CNTN4: variants seen among roughly 807,000 people sequenced by gnomAD.
CNTN4 encodes the protein contactin-4.
CNTN4 carries 77 observed loss-of-function variants against 122.5 expected under a neutral mutation model. That is an observed-to-expected ratio of 0.63 (90% CI 0.52 to 0.76). CNTN4 has a LOEUF of 0.76. Ranked by LOEUF, CNTN4 falls within the 30% of genes least tolerant of loss-of-function variation. The pLI is 0.00. For missense variants in CNTN4, 1,256 were observed against 1,259.1 expected, an observed-to-expected ratio of 1.00 and a Z score of 0.04; for synonymous variants, 512 against 447.0, an observed-to-expected ratio of 1.15 and a Z score of -1.83.
intron 2 of CNTN4, among the ~76,000 whole-genome samples, chr3:2,131,784 A>G (rs1001683591): frequency 6.6e-6 from 1 of 152,206 alleles, no homozygotes; most frequent in East Asian, 1.9e-4. Flanking sequence ...TTAACTTATC[A>G]TCTTGAATAC....
Position 2,202,384 on chromosome 3 carries a change from C to G in CNTN4, c.-145+101745C>G, listed in dbSNP as rs367839171. ...TACAAGTATTTGTTCTAATTTCAGC[C>G]TCATTACTAACTAGCTGTGTAGACT... is the stretch of plus-strand genomic sequence containing the variant. On this transcript the variant is annotated intron_variant, in intron 2 of 24. Transcript: ENST00000418658. Among the ~76,000 whole-genome samples, 35 of 152,270 alleles carry G rather than the reference C, an allele frequency of 2.3e-4. No homozygotes were observed. The South Asian group carries it at 3.1e-3, about 14-fold the overall frequency.
chr3:2,849,587 T>C (rs2093512682), intron 7 of CNTN4, among the ~76,000 whole-genome samples: 1 of 152,222 alleles, frequency 6.6e-6, no homozygotes, highest in African/African-American at 2.4e-5. Context: ...AAAGAAGTAC[T>C]TATCCAGCAC....
At chr3:2,301,744 C>A (rs971382121) in intron 2 of CNTN4, among the ~76,000 whole-genome samples, 3 of 152,216 alleles carry the variant, frequency 2.0e-5, no homozygotes, top group Non-Finnish European at 2.9e-5. Flanking sequence ...TCTAGTAGAG[C>A]ACTCATCAGA....
At chr3:2,447,283 G>T (rs1272280634) in intron 3 of CNTN4, among the ~76,000 whole-genome samples, 1 of 152,122 alleles carries the variant, frequency 6.6e-6, no homozygotes, top group Non-Finnish European at 1.5e-5. Context: ...CATGCCTGTT[G>T]TGTTGAAACA....
At chr3:2,515,473 T>A (rs1006448077) in intron 3 of CNTN4, among the ~76,000 whole-genome samples, 1 of 152,162 alleles carries the variant, frequency 6.6e-6, no homozygotes, top group South Asian at 2.1e-4. Context: ...CTGTAAGAAA[T>A]TGTCTTGCCA....
chr3:2,996,531 C>T (rs1295681426), intron 14 of CNTN4, among the ~76,000 whole-genome samples: 1 of 152,098 alleles, frequency 6.6e-6, no homozygotes, highest in Non-Finnish European at 1.5e-5. Context: ...TGAATATTTA[C>T]TAATCAGAAT....
At chr3:2,424,312 G>A (rs2047733076) in intron 3 of CNTN4, among the ~76,000 whole-genome samples, 1 of 147,722 alleles carries the variant, frequency 6.8e-6, no homozygotes, top group Non-Finnish European at 1.5e-5. Flanking sequence ...GAGAACATGT[G>A]ATGTTTGTTT....
At chr3:2,982,287 A>G (rs572547070) in intron 13 of CNTN4, among the ~76,000 whole-genome samples, 99 of 152,256 alleles carry the variant, frequency 6.5e-4, no homozygotes, top group African/African-American at 2.2e-3. Context: ...CATTCCTTCC[A>G]TTCTACTTTT....
In CNTN4 at chr3:2,676,104, A is replaced by T. The variant is rs935782584; in HGVS notation, c.56-60111A>T. The stretch of plus-strand genomic sequence containing the variant: ...TTACTGCCTGAACAAATTACTGTTT[A>T]TATTATTATTCCACTTTTATCCCTC... On this transcript the variant is annotated intron_variant, in intron 4 of 24. Coordinates refer to ENST00000418658, the MANE Select transcript of CNTN4 (RefSeq NM_175607.3). Among the ~76,000 whole-genome samples, 4 of 152,296 alleles carry T rather than the reference A, an allele frequency of 2.6e-5. No individual in the cohort carries two copies. The South Asian group carries it at 8.3e-4, about 32-fold the overall frequency.
intron 12 of CNTN4, among the ~76,000 whole-genome samples, chr3:2,916,697 T>C (rs1373710383): frequency 1.4e-5 from 2 of 138,010 alleles, no homozygotes; most frequent in African/African-American, 2.8e-5. Context: ...TCATGGCCCG[T>C]TCTCAATGAG....
rs761261120 is a variant in CNTN4, at chr3:3,053,936, G to A, written c.2941G>A (p.Gly981Ser). The A allele has an allele frequency of 6.2e-7, 1 of 1,614,198 alleles. No individual in the cohort carries two copies. The highest frequency in any genetic ancestry group is 8.5e-7 in the Non-Finnish European group (1 of 1,180,028). The change falls in exon 24 of 25, where the codon GGC (glycine) becomes AGC (serine). Residue 981 changes from glycine to serine, a missense_variant. Physicochemically the swap from Gly to Ser is moderately conservative, Grantham distance 56. Transcript: ENST00000418658. The part of the protein sequence containing the change: ...EIKPFSDGGD[G>S]SSSEQIRIPK... ...TAAGCCATTCAGCGACGGAGGAGAT[G>A]GCAGCAGCAGTGAACAAATTCGAAT...
chr3:2,765,518 G>A (rs955741386), intron 6 of CNTN4, among the ~76,000 whole-genome samples: 1 of 152,122 alleles, frequency 6.6e-6, no homozygotes. Context: ...CCTGGGATTA[G>A]ACAGCTAATC....
intron 3 of CNTN4, among the ~76,000 whole-genome samples, chr3:2,550,579 A>G (rs1325221189): frequency 6.6e-6 from 1 of 152,164 alleles, no homozygotes; most frequent in African/African-American, 2.4e-5. Context: ...ATACCATTTG[A>G]CCCAGCAACC....
intron 2 of CNTN4, among the ~76,000 whole-genome samples, chr3:2,157,717 T>C (rs1449406818): frequency 6.6e-6 from 1 of 152,226 alleles, no homozygotes; most frequent in African/African-American, 2.4e-5. Context: ...ATGTAACTTT[T>C]ACACTTTATA....
intron 2 of CNTN4, among the ~76,000 whole-genome samples, chr3:2,239,999 A>C (rs2149602770): frequency 6.6e-6 from 1 of 152,324 alleles, no homozygotes; most frequent in Admixed American, 6.5e-5. Flanking sequence ...TAGGTTGCAG[A>C]CTGAAGAGCA....
intron 2 of CNTN4, among the ~76,000 whole-genome samples, chr3:2,281,659 CA>C (rs1384629648): frequency 6.6e-6 from 1 of 152,008 alleles, no homozygotes; most frequent in Non-Finnish European, 1.5e-5. Context: ...AGTAGTATTT[CA>C]CATATCTGCT....
At chr3:2,712,350 G>T (rs942640741) in intron 4 of CNTN4, among the ~76,000 whole-genome samples, 1 of 152,084 alleles carries the variant, frequency 6.6e-6, no homozygotes, top group Admixed American at 6.6e-5. Flanking sequence ...AACAACTATT[G>T]AAAGTCCAGC....
chr3:2,541,973 G>T (rs2078048978), intron 3 of CNTN4, among the ~76,000 whole-genome samples: 3 of 152,060 alleles, frequency 2.0e-5, no homozygotes, highest in South Asian at 4.1e-4. Context: ...TTTTAAACCA[G>T]CAATGGAGAG....
At chr3:2,250,691 A>G (rs1298038541) in intron 2 of CNTN4, among the ~76,000 whole-genome samples, 1 of 151,864 alleles carries the variant, frequency 6.6e-6, no homozygotes, top group Non-Finnish European at 1.5e-5. Flanking sequence ...TTGTCACACT[A>G]TTTGCATGTT....
Sources: allele counts gnomAD v4.1 joint callset (sites outside exome capture counted in the v4.1 genomes callset), GRCh38; gene constraint gnomAD v4.1.1; transcripts MANE v1.5; gene names NCBI Gene and HGNC (gene_info 2026-07-23, HGNC 2026-07-21).